The following RAP1B variants were observed in gnomAD, a reference collection of about 807,000 sequenced individuals.
RAP1B encodes the protein ras-related protein Rap-1b.
RAP1B carries 1 observed loss-of-function variant against 27.5 expected under a neutral mutation model. The ratio of observed to expected loss-of-function variants is 0.04; its 90% CI spans 0.01 to 0.17. The LOEUF (loss-of-function observed/expected upper bound fraction) is 0.17, where lower values mean the gene tolerates loss of function less well. Among genes scored for constraint, RAP1B ranks in the 10% least tolerant of loss-of-function variants. The probability of loss-of-function intolerance (pLI) is 1.00; values close to 1 mark genes in which losing one functional copy is unlikely to be tolerated. For missense variants in RAP1B, 84 were observed against 214.8 expected, an observed-to-expected ratio of 0.39 and a Z score of 3.81; for synonymous variants, 75 against 73.1, an observed-to-expected ratio of 1.03 and a Z score of -0.13.
intron 1 of RAP1B, among the ~76,000 whole-genome samples, chr12:68,611,843 C>G (rs549185685): frequency 6.6e-6 from 1 of 152,202 alleles, no homozygotes; most frequent in East Asian, 1.9e-4. Flanking sequence ...GGTGTCTAAT[C>G]CTAAAACTAT....
chr12:68,616,796 G>A (rs1239180692), intron 1 of RAP1B, among the ~76,000 whole-genome samples: 2 of 151,712 alleles, frequency 1.3e-5, no homozygotes, highest in Non-Finnish European at 2.9e-5. Flanking sequence ...AAACTCGTGG[G>A]CTCAAGGGAT....
intron 1 of RAP1B, among the ~76,000 whole-genome samples, chr12:68,643,220 A>G (rs776188267): frequency 1.4e-4 from 21 of 152,154 alleles, no homozygotes; most frequent in African/African-American, 4.3e-4. Context: ...ATTACTTCCT[A>G]TCCTCTTTTT....
At chr12:68,617,301 T>A (rs1267636689) in intron 1 of RAP1B, among the ~76,000 whole-genome samples, 2 of 152,208 alleles carry the variant, frequency 1.3e-5, no homozygotes, top group East Asian at 3.8e-4. Flanking sequence ...GAATGTGGAA[T>A]CCTATTACTA....
chr12:68,629,013 ATCTGTCTG>A (rs56340839), intron 1 of RAP1B, among the ~76,000 whole-genome samples: 1 of 151,702 alleles, frequency 6.6e-6, no homozygotes, highest in African/African-American at 2.4e-5. Context: ...TTTATCTTCT[ATCTGTCTG>A]TCTGTCTGTC....
chr12:68,671,768 G>A lies in RAP1B; in HGVS notation c.*12519G>A, dbSNP rs1431843118. On this transcript the variant is annotated 3_prime_UTR_variant, in exon 8 of 8. Coordinates refer to ENST00000250559, the MANE Select transcript of RAP1B (RefSeq NM_001010942.3). ...GACTCGTCTAGAAGAGACATTGTCA[G>A]TAACAAGTAAATAACATTTTCTGGA... The A allele has an allele frequency of 6.6e-6, 1 of 151,834 alleles. No individual in the cohort carries two copies. Among genetic ancestry groups the A allele is most frequent in the Non-Finnish European group, 1.5e-5 (1 of 67,992 alleles). The allele number at this position is 151,834 out of a possible 1,614,324, so 9.4% of individuals were successfully genotyped here. A position where few individuals can be genotyped will look rare whatever the true frequency, so the allele number is the denominator to read the frequency against.
chr12:68,627,362 T>C (rs1405166614), intron 1 of RAP1B: 10 of 700,662 alleles, frequency 1.4e-5, no homozygotes, highest in Non-Finnish European at 2.1e-5. Flanking sequence ...CTCAGTTGGC[T>C]TAATAGGCTG....
chr12:68,621,836 C>T (rs906159583), intron 1 of RAP1B, among the ~76,000 whole-genome samples: 1 of 152,214 alleles, frequency 6.6e-6, no homozygotes, highest in Admixed American at 6.5e-5. Context: ...AATTTCATCA[C>T]TAAGCAGTTT....
intron 1 of RAP1B, chr12:68,627,402 A>G (rs1592431809): frequency 3.5e-6 from 2 of 568,548 alleles, no homozygotes; most frequent in East Asian, 3.3e-5. Context: ...ACACACAAAT[A>G]TACCCAATCC....
intron 1 of RAP1B, among the ~76,000 whole-genome samples, chr12:68,615,952 T>C (rs1870958639): frequency 7.2e-6 from 1 of 138,566 alleles, no homozygotes; most frequent in African/African-American, 2.8e-5. Context: ...TTAAAAACTC[T>C]AGTAAATAAT....
intron 1 of RAP1B, among the ~76,000 whole-genome samples, chr12:68,640,134 C>T (rs556246447): frequency 2.0e-5 from 3 of 152,220 alleles, no homozygotes; most frequent in African/African-American, 4.8e-5. Context: ...CCACCATGCC[C>T]GGCCCAAAGA....
chr12:68,653,666 C>CGA (rs915022521), intron 4 of RAP1B, among the ~76,000 whole-genome samples: 1 of 151,970 alleles, frequency 6.6e-6, no homozygotes, highest in African/African-American at 2.4e-5. Context: ...TGGTAGTTCA[C>CGA]GCCTGTAATC....
In RAP1B at chr12:68,656,549, T is replaced by C. The variant is rs2135969802; in HGVS notation, c.468+100T>C. 5 of 1,215,570 alleles carry C rather than the reference T, an allele frequency of 4.1e-6. No individual in the cohort carries two copies. In the East Asian group the frequency reaches 9.4e-5, roughly 23 times the overall value. The allele number at this position is 1,215,570 out of a possible 1,614,324, so 75.3% of individuals were successfully genotyped here. A position where few individuals can be genotyped will look rare whatever the true frequency, so the allele number is the denominator to read the frequency against. On this transcript the variant is annotated intron_variant, in intron 6 of 7. Transcript: ENST00000250559. ...CCAAGTTAATATGTACTCAGGGTAA[T>C]ATGTTGATGTTACAGGCAAAAAAAA...
chr12:68,627,246 G>A (rs574887359), intron 1 of RAP1B: 11 of 1,277,278 alleles, frequency 8.6e-6, no homozygotes, highest in African/African-American at 4.4e-5. Flanking sequence ...CTGTCTCCAG[G>A]GTCCCTTAGA....
intron 1 of RAP1B, among the ~76,000 whole-genome samples, chr12:68,632,219 C>T (rs1872320335): frequency 6.8e-6 from 1 of 147,682 alleles, no homozygotes. Flanking sequence ...CTCACTGCAA[C>T]CTCCGCCTCC....
chr12:68,670,618 C>T lies in RAP1B; in HGVS notation c.*11369C>T, dbSNP rs1875048492. 1 of 152,142 alleles carries T rather than the reference C, an allele frequency of 6.6e-6. No individual in the cohort carries two copies. The highest frequency in any genetic ancestry group is 2.1e-4 in the South Asian group (1 of 4,826). The allele number at this position is 152,142 out of a possible 1,614,324, so 9.4% of individuals were successfully genotyped here. Reference sequence around the variant, plus strand: ...GCATTTAATACCCTGATAAATCCATCACAAAGCTGAAAAATTATAAGTAAA... The same window carrying T: ...GCATTTAATACCCTGATAAATCCATTACAAAGCTGAAAAATTATAAGTAAA... On this transcript the variant is annotated 3_prime_UTR_variant, in exon 8 of 8. Transcript: ENST00000250559.
chr12:68,637,661 C>T (rs1416306604), intron 1 of RAP1B, among the ~76,000 whole-genome samples: 1 of 150,274 alleles, frequency 6.7e-6, no homozygotes, highest in African/African-American at 2.4e-5. Flanking sequence ...ATGACCACCC[C>T]CCTGGTAAAT....
intron 1 of RAP1B, among the ~76,000 whole-genome samples, chr12:68,644,883 A>T (rs1369518613): frequency 1.3e-5 from 2 of 151,618 alleles, no homozygotes; most frequent in Admixed American, 1.3e-4. Flanking sequence ...AGGCTTTGCC[A>T]TGTTGGCCAG....
intron 2 of RAP1B, 33 bp from the exon 3 acceptor site, chr12:68,650,367 A>G: frequency 2.0e-6 from 3 of 1,490,162 alleles, no homozygotes; most frequent in East Asian, 2.4e-5. Flanking sequence ...TCTTTTCTTT[A>G]GAAGTATAAT....
intron 1 of RAP1B, among the ~76,000 whole-genome samples, chr12:68,638,100 G>C (rs922804096): frequency 6.6e-6 from 1 of 152,134 alleles, no homozygotes; most frequent in African/African-American, 2.4e-5. Flanking sequence ...AAGGTAATCT[G>C]TTGTTGGCTT....
Sources: gnomAD v4.1 joint callset for allele counts (sites outside exome capture counted in the v4.1 genomes callset) on GRCh38, gnomAD v4.1.1 for gene constraint, MANE v1.5 for transcripts, NCBI Gene and HGNC (gene_info 2026-07-23, HGNC 2026-07-21) for gene names.